ATAD2: variants seen among roughly 807,000 people sequenced by gnomAD.
The protein encoded by ATAD2 is ATPase family AAA domain-containing protein 2.
Under a neutral mutation model 168.9 loss-of-function variants are expected in ATAD2, and 62 were observed. That is an observed-to-expected ratio of 0.37 (90% CI 0.30 to 0.45). The LOEUF is 0.45. Among genes scored for constraint, ATAD2 ranks in the 20% least tolerant of loss-of-function variants. The pLI is 1.00. For synonymous variants in ATAD2, 613 were observed against 571.6 expected (o/e 1.07, Z -1.03); for missense variants, 1,419 against 1,667.8 (o/e 0.85, Z 2.60).
At chr8:123,400,680 C>A (rs1812984310), upstream of ATAD2, 7 of 734,728 alleles carry the variant, frequency 9.5e-6, no homozygotes, top group South Asian at 9.5e-5. This position sits in a 1 kb window ranked among gnomAD's most constrained non-coding sequence, Gnocchi z 4.5. Context: ...ACAACGAGTT[C>A]CTGATTCTCC....
intron 8 of ATAD2, among the ~76,000 whole-genome samples, chr8:123,364,815 C>T (rs993945199): frequency 6.6e-6 from 1 of 152,036 alleles, no homozygotes; most frequent in Admixed American, 6.6e-5. Flanking sequence ...CCACAGCCAA[C>T]GTAATACTGA....
chr8:123,321,012 A>C lies in ATAD2; in HGVS notation c.*122T>G. On this transcript the variant is annotated 3_prime_UTR_variant, in exon 28 of 28. Coordinates refer to ENST00000287394, the MANE Select transcript of ATAD2 (RefSeq NM_014109.4). ...ATATCAGGAAAGTTTAAATACTTTTATTTTACTATTTTAATCTTTTCCTTA... is the reference window on the plus strand; with the variant it reads ...ATATCAGGAAAGTTTAAATACTTTTCTTTTACTATTTTAATCTTTTCCTTA... 1 of 840,206 alleles carries C rather than the reference A, an allele frequency of 1.2e-6. No individual in the cohort carries two copies. The highest frequency in any genetic ancestry group is 2.7e-5 in the Admixed American group (1 of 37,538). 52.0% of individuals were successfully genotyped at this position (840,206 alleles called of 1,614,324 possible).
At position 123,359,562 on chromosome 8, in the gene ATAD2, A is replaced by G; in HGVS notation, c.1266+15T>C. 1 of 1,584,214 alleles carries G rather than the reference A, an allele frequency of 6.3e-7. No individual in the cohort carries two copies. Among genetic ancestry groups the G allele is most frequent in the Non-Finnish European group, 8.6e-7 (1 of 1,157,432 alleles). ...CATTATAGTTCAAGCATATGTTTCA[A>G]AACAGAGTACTCACTGAAGAATCTA... On this transcript the variant is annotated intron_variant, in intron 10 of 27. Transcript: ENST00000287394.
At chr8:123,396,803 C>T (rs1399233883), upstream of ATAD2, among the ~76,000 whole-genome samples, 1 of 152,102 alleles carries the variant, frequency 6.6e-6, no homozygotes, top group Non-Finnish European at 1.5e-5. Flanking sequence ...CCGGCGTCTC[C>T]TCCCCACCCC....
intron 22 of ATAD2, among the ~76,000 whole-genome samples, chr8:123,335,124 G>C (rs1458435884): frequency 6.6e-6 from 1 of 152,154 alleles, no homozygotes; most frequent in Non-Finnish European, 1.5e-5. Context: ...AAGTCCTTTA[G>C]GAGATTCTGA....
chr8:123,372,008 C>T (rs1829162947), intron 3 of ATAD2, among the ~76,000 whole-genome samples, 173 bp from the exon 4 acceptor site: 1 of 152,052 alleles, frequency 6.6e-6, no homozygotes, highest in African/African-American at 2.4e-5. Flanking sequence ...AAACATACAC[C>T]TACCATAAGA....
At chr8:123,342,322 C>A (rs747061585) in intron 19 of ATAD2, 5 of 151,996 alleles carry the variant, frequency 3.3e-5, no homozygotes, top group Non-Finnish European at 7.4e-5. Context: ...AAAGAGTATT[C>A]AAATATACAA....
At position 123,328,520 on chromosome 8, in the gene ATAD2, G is replaced by A. The variant is rs1274455725; in HGVS notation, c.3538C>T (p.Arg1180Ter). ...SNWYLGTIKK[R>*]RKISQAKDDS... is the part of the protein sequence containing the mutation. ...TCCTTTGCCTGTGAAATCTTCCTTC[G>A]CTTTTTTATGGTGCCTAAGTACCAG... The change falls in exon 25 of 28, where the codon CGA (arginine) becomes TGA (stop). Residue 1180 changes from arginine (R) to a stop codon, truncating the protein, a stop_gained. Coordinates refer to ENST00000287394, the MANE Select transcript of ATAD2 (RefSeq NM_014109.4). LOFTEE classifies it high-confidence loss of function. The A allele has an allele frequency of 1.3e-6, 2 of 1,588,870 alleles. No homozygotes were observed. The highest frequency in any genetic ancestry group is 1.2e-5 in the South Asian group (1 of 83,970).
chr8:123,368,388 G>A (rs139891293), intron 8 of ATAD2, among the ~76,000 whole-genome samples: 11 of 152,012 alleles, frequency 7.2e-5, no homozygotes, highest in Non-Finnish European at 1.5e-4. Flanking sequence ...ACTGCACTCC[G>A]GCCTGGGGAA....
At chr8:123,339,503 C>A in intron 19 of ATAD2, 57 bp from the exon 20 acceptor site, 1 of 1,436,746 alleles carries the variant, frequency 7.0e-7, no homozygotes, top group Non-Finnish European at 9.4e-7. Context: ...CCCCAACTTA[C>A]AATGGTTCAA....
At chr8:123,412,804 A>G (rs1813180331) in intron 1 of ATAD2, among the ~76,000 whole-genome samples, 3 of 152,142 alleles carry the variant, frequency 2.0e-5, no homozygotes, top group Admixed American at 2.0e-4. Flanking sequence ...AAATCCCTGC[A>G]CTAACAGACT....
chr8:123,323,471 C>G (rs1017196258), intron 26 of ATAD2, among the ~76,000 whole-genome samples: 2 of 152,132 alleles, frequency 1.3e-5, no homozygotes, highest in African/African-American at 4.8e-5. Flanking sequence ...AAATGGTGAA[C>G]TACCTCACCA....
intron 1 of ATAD2, among the ~76,000 whole-genome samples, chr8:123,411,428 A>T (rs7841922): frequency 0.9 from 136,749 of 152,084 alleles, 61,609 homozygotes; most frequent in East Asian, 0.99. Context: ...GGTTTTCCTG[A>T]TGAGAGGGCG....
At position 123,325,911 on chromosome 8, in the gene ATAD2, CACA is replaced by C. The variant is rs1827602762; in HGVS notation, c.3981_3983del (p.Val1328del). ...TACATACTTTTAATCGCTCATGATC[CACA>C]ACAAGTGAGGGTGTAGGCTGAGAAA... On this transcript the variant is annotated inframe_deletion, in exon 26 of 28. Transcript: ENST00000287394. The C allele has an allele frequency of 1.2e-6, 2 of 1,614,026 alleles. No homozygotes were observed. The highest frequency in any genetic ancestry group is 1.7e-6 in the Non-Finnish European group (2 of 1,179,998).
intron 14 of ATAD2, 131 bp downstream of exon 14, chr8:123,349,154 G>T: frequency 2.4e-6 from 2 of 841,314 alleles, no homozygotes; most frequent in East Asian, 2.7e-5. Context: ...GTCCCCATTT[G>T]AGTTGTTTAC....
intron 23 of ATAD2, 22 bp from the exon 24 acceptor site, chr8:123,334,043 T>A (rs187547132): frequency 6.3e-7 from 1 of 1,592,664 alleles, no homozygotes; most frequent in South Asian, 1.1e-5. Flanking sequence ...ATATGTGGGA[T>A]GTCAAAAGGA....
intron 1 of ATAD2, among the ~76,000 whole-genome samples, chr8:123,406,395 A>T (rs1332287796): frequency 6.6e-6 from 1 of 151,096 alleles, no homozygotes; most frequent in African/African-American, 2.4e-5. Flanking sequence ...AAAAAAAAAA[A>T]AAAAATAGTT....
upstream of ATAD2, among the ~76,000 whole-genome samples, chr8:123,399,689 T>C (rs964011419): frequency 6.6e-6 from 1 of 151,744 alleles, no homozygotes; most frequent in African/African-American, 2.4e-5. Context: ...ACCCCATCTC[T>C]ACCAAAAATA....
chr8:123,333,335 G>C (rs189674410), intron 24 of ATAD2, among the ~76,000 whole-genome samples: 2 of 139,532 alleles, frequency 1.4e-5, no homozygotes, highest in African/African-American at 5.4e-5. Context: ...GCATGAACCC[G>C]GGACGCAGCG....
Sources: gnomAD v4.1 joint callset for allele counts (sites outside exome capture counted in the v4.1 genomes callset) on GRCh38, gnomAD v4.1.1 for gene constraint, Gnocchi (gnomAD v3.1) non-coding constraint, MANE v1.5 for transcripts, NCBI Gene and HGNC (gene_info 2026-07-23, HGNC 2026-07-21) for gene names.